PPFIA4: variants seen among roughly 807,000 people sequenced by gnomAD.
PPFIA4 encodes PPFI scaffold protein A4, also known as liprin-alpha-4.
Under a neutral mutation model 145.7 loss-of-function variants are expected in PPFIA4, and 98 were observed. The observed-to-expected ratio is 0.67, with a 90% confidence interval of 0.57 to 0.80. The LOEUF (loss-of-function observed/expected upper bound fraction) is 0.80, where lower values mean the gene tolerates loss of function less well. Among genes scored for constraint, PPFIA4 ranks in the 30% least tolerant of loss-of-function variants. The pLI is 0.00. For synonymous variants in PPFIA4, 628 were observed against 649.6 expected (o/e 0.97, Z 0.51); for missense variants, 1,457 against 1,632.7 (o/e 0.89, Z 1.85).
Position 203,048,911 on chromosome 1 carries a change from C to A in PPFIA4, c.1357-7C>A. Reference sequence around the variant, plus strand: ...CAGGGGCCTGGCTCACAGCTGCTCTCCCCCAGAACACGTTGATCCAGGAGT... The same window carrying A: ...CAGGGGCCTGGCTCACAGCTGCTCTACCCCAGAACACGTTGATCCAGGAGT... On this transcript the variant is annotated splice_region_variant and splice_polypyrimidine_tract_variant and intron_variant, in intron 11 of 29. Coordinates refer to ENST00000295706, the MANE Select transcript of PPFIA4 (RefSeq NM_001304331.2). This position sits in a 1 kb window ranked among gnomAD's most constrained non-coding sequence, Gnocchi z 5.8. 6.5e-7 allele frequency: 1 copy of A among 1,548,306 alleles called. No individual in the cohort carries two copies. The highest frequency in any genetic ancestry group is 8.7e-7 in the Non-Finnish European group (1 of 1,146,786).
At chr1:203,046,458 A>G in intron 9 of PPFIA4, 76 bp downstream of exon 9, 2 of 1,477,834 alleles carry the variant, frequency 1.4e-6, no homozygotes, top group Non-Finnish European at 1.8e-6. Flanking sequence ...CAGGGAAGGG[A>G]GCGCGTGGGA....
chr1:203,031,554 T>C (rs1402755682), intron 1 of PPFIA4, among the ~76,000 whole-genome samples: 1 of 152,192 alleles, frequency 6.6e-6, no homozygotes, highest in African/African-American at 2.4e-5. Context: ...AGTTCTGTAC[T>C]CTGGACATTT....
Position 203,075,903 on chromosome 1 carries a change from G to A in PPFIA4, c.3574+146G>A, listed in dbSNP as rs1662502097. 6.0e-6 allele frequency: 5 copies of A among 838,482 alleles called. No homozygotes were observed. The highest frequency in any genetic ancestry group is 6.7e-6 in the Non-Finnish European group (4 of 597,328). 51.9% of individuals were successfully genotyped at this position (838,482 alleles called of 1,614,324 possible). ...GCTGCAGCTGCACTAACGCTCCGCG[G>A]GGAGCGTGTGTGCGCACTAACCCGC... On this transcript the variant is annotated intron_variant, in intron 29 of 29. Coordinates refer to ENST00000295706, the MANE Select transcript of PPFIA4 (RefSeq NM_001304331.2). This position sits in a 1 kb window ranked among gnomAD's most constrained non-coding sequence, Gnocchi z 4.1.
intron 1 of PPFIA4, chr1:203,035,266 C>T (rs1286885012): frequency 8.8e-6 from 4 of 456,554 alleles, no homozygotes; most frequent in African/African-American, 8.0e-5. Flanking sequence ...GTGGTCTCCG[C>T]AGGGGCTGGC....
intron 24 of PPFIA4, among the ~76,000 whole-genome samples, chr1:203,062,373 G>T (rs1260198091): frequency 3.3e-5 from 5 of 149,576 alleles, no homozygotes; most frequent in Non-Finnish European, 7.4e-5. Flanking sequence ...CCAGCTACTC[G>T]TGAGGCTGAG....
chr1:203,067,856 C>A, intron 26 of PPFIA4, 64 bp downstream of exon 26: 1 of 1,395,866 alleles, frequency 7.2e-7, no homozygotes, highest in Non-Finnish European at 1.0e-6. Context: ...TGCCTTGGGC[C>A]AAGTGGAGGG....
Position 203,049,658 on chromosome 1 carries a change from C to T in PPFIA4, c.1420-18C>T. 1 of 1,510,908 alleles carries T rather than the reference C, an allele frequency of 6.6e-7. No homozygotes were observed. The highest frequency in any genetic ancestry group is 1.4e-5 in the African/African-American group (1 of 72,230). The allele number at this position is 1,510,908 out of a possible 1,614,324, so 93.6% of individuals were successfully genotyped here. Reference sequence around the variant, plus strand: ...CCTGGCCCCCACTCCCGCCCCCACCCCGGGTCTGCTGGCACAGGGCCGCCT... The same window carrying T: ...CCTGGCCCCCACTCCCGCCCCCACCTCGGGTCTGCTGGCACAGGGCCGCCT... On this transcript the variant is annotated intron_variant, in intron 12 of 29. Transcript: ENST00000295706.
At chr1:203,034,779 G>A (rs1286869810) in intron 1 of PPFIA4, 1 of 438,936 alleles carries the variant, frequency 2.3e-6, no homozygotes, top group Admixed American at 2.5e-5. Context: ...ACCCTGATGA[G>A]GGTGGGGAAG....
At chr1:203,058,332 TG>T (rs1661120315) in intron 19 of PPFIA4, among the ~76,000 whole-genome samples, 1 of 152,134 alleles carries the variant, frequency 6.6e-6, no homozygotes, top group Admixed American at 6.5e-5. Context: ...AGGAGGAACA[TG>T]GCCACCTCTG....
At chr1:203,056,583 A>G in intron 18 of PPFIA4, 75 bp downstream of exon 18, 10 of 1,541,704 alleles carry the variant, frequency 6.5e-6, no homozygotes, top group Non-Finnish European at 8.8e-6. Flanking sequence ...CTCTGCAGGG[A>G]CCGCATCTCC....
At position 203,068,953 on chromosome 1, in the gene PPFIA4, T is replaced by G. The variant is rs1397044017; in HGVS notation, c.3324+325T>G. 6.6e-6 allele frequency among the ~76,000 whole-genome samples: 1 copy of G among 152,160 alleles called. No individual in the cohort carries two copies. The highest frequency in any genetic ancestry group is 1.5e-5 in the Non-Finnish European group (1 of 68,016). ...ACTTCATAGCTGAGACTCTGAGCCT[T>G]CCTTTTCATCCTGCTTCTCTGATCT... On this transcript the variant is annotated intron_variant, in intron 27 of 29. Coordinates refer to ENST00000295706, the MANE Select transcript of PPFIA4 (RefSeq NM_001304331.2). The surrounding 1 kb of genome is among the most constrained non-coding windows in gnomAD (Gnocchi z 4.7).
intron 23 of PPFIA4, 173 bp from the exon 24 acceptor site, chr1:203,061,479 T>C: frequency 1.6e-6 from 1 of 625,168 alleles, no homozygotes; most frequent in Non-Finnish European, 2.7e-6. Context: ...AACGCAAACA[T>C]GGGTGCACAC....
chr1:203,056,109 C>T lies in PPFIA4; in HGVS notation c.2071-11C>T. ...GGTGAGTCTGAGCTTACCCATCCCT[C>T]TCTCTTGCAGCCCAGTGACTTAAGA... On this transcript the variant is annotated splice_polypyrimidine_tract_variant and intron_variant, in intron 16 of 29. Coordinates refer to ENST00000295706, the MANE Select transcript of PPFIA4 (RefSeq NM_001304331.2). The T allele has an allele frequency of 1.9e-6, 3 of 1,614,010 alleles. No individual in the cohort carries two copies. Among genetic ancestry groups the T allele is most frequent in the African/African-American group, 1.3e-5 (1 of 75,038 alleles).
chr1:203,059,314 C>G, intron 20 of PPFIA4, 43 bp downstream of exon 20: 3 of 1,427,812 alleles, frequency 2.1e-6, no homozygotes, highest in Non-Finnish European at 2.9e-6. Flanking sequence ...GGGCCCAGCC[C>G]CCTACCCACT....
Position 203,076,407 on chromosome 1 carries a change from T to C in PPFIA4, c.*17T>C, listed in dbSNP as rs1215816540. On this transcript the variant is annotated 3_prime_UTR_variant, in exon 30 of 30. Transcript: ENST00000295706. ...CGGGACTAGCCATGGCCCCCAGGGC[T>C]GGCTTCCTCCTTCTGGGTTTCACAG... is the stretch of plus-strand genomic sequence containing the variant. 2 of 1,607,572 alleles carry C rather than the reference T, an allele frequency of 1.2e-6. No individual in the cohort carries two copies. The highest frequency in any genetic ancestry group is 8.5e-7 in the Non-Finnish European group (1 of 1,178,994).
At chr1:203,071,628 A>C (rs1404939808) in intron 27 of PPFIA4, 64 bp from the exon 28 acceptor site, 14 of 1,301,044 alleles carry the variant, frequency 1.1e-5, no homozygotes, top group Admixed American at 3.8e-5. Context: ...ATGGTGAAAG[A>C]TGGCATAAAG....
Position 203,060,936 on chromosome 1 carries a change from C to T in PPFIA4, c.2785-34C>T, listed in dbSNP as rs781053234. The T allele has an allele frequency of 1.9e-6, 3 of 1,610,382 alleles. No individual in the cohort carries two copies. The highest frequency in any genetic ancestry group is 2.5e-6 in the Non-Finnish European group (3 of 1,176,884). ...CTGATGGGGATCCTGGGGACCCACA[C>T]CCAGGACCAGCTAGGTTTCCTCTCT... On this transcript the variant is annotated intron_variant, in intron 22 of 29. Coordinates refer to ENST00000295706, the MANE Select transcript of PPFIA4 (RefSeq NM_001304331.2). The surrounding 1 kb of genome is among the most constrained non-coding windows in gnomAD (Gnocchi z 4.8).
In PPFIA4 at chr1:203,075,346, C is replaced by G. The variant is rs994234654; in HGVS notation, c.3394-231C>G. ...ACAAGACTCTCCCCCGCCCCACACACCCCCTCCATCCGCCACCCAGAGACA... is the reference window on the plus strand; with the variant it reads ...ACAAGACTCTCCCCCGCCCCACACAGCCCCTCCATCCGCCACCCAGAGACA... On this transcript the variant is annotated intron_variant, in intron 28 of 29. Transcript: ENST00000295706. The surrounding 1 kb of genome is among the most constrained non-coding windows in gnomAD (Gnocchi z 4.1). Among the ~76,000 whole-genome samples, 6 of 151,980 alleles carry G rather than the reference C, an allele frequency of 3.9e-5. No homozygotes were observed. The highest frequency in any genetic ancestry group is 1.5e-4 in the African/African-American group (6 of 41,360).
chr1:203,049,619 C>G (rs1422777433), intron 12 of PPFIA4, 57 bp from the exon 13 acceptor site: 1 of 1,301,660 alleles, frequency 7.7e-7, no homozygotes, highest in East Asian at 2.8e-5. Context: ...TCCCACCCTC[C>G]CTCTCTGCCC....
Sources: allele counts gnomAD v4.1 joint callset (sites outside exome capture counted in the v4.1 genomes callset), GRCh38; gene constraint gnomAD v4.1.1; non-coding constraint Gnocchi (gnomAD v3.1); transcripts MANE v1.5; gene names NCBI Gene and HGNC (gene_info 2026-07-23, HGNC 2026-07-21).